Variants in LAMA3 observed in about 807,000 individuals in gnomAD.
LAMA3 encodes the protein laminin subunit alpha-3.
Under a neutral mutation model 402.0 loss-of-function variants are expected in LAMA3, and 281 were observed. The ratio of observed to expected loss-of-function variants is 0.70; its 90% CI spans 0.63 to 0.77. The LOEUF (loss-of-function observed/expected upper bound fraction) is 0.77. LAMA3 is among the 30% of genes least tolerant of loss of function. LAMA3 has a pLI of 0.00. For missense variants in LAMA3, 3,840 were observed against 4,215.5 expected, an observed-to-expected ratio of 0.91 and a Z score of 2.47; for synonymous variants, 1,431 against 1,558.4, an observed-to-expected ratio of 0.92 and a Z score of 1.93.
At chr18:23,827,266 T>C in intron 22 of LAMA3, 48 bp from the exon 23 acceptor site, 3 of 1,595,256 alleles carry the variant, frequency 1.9e-6, no homozygotes, top group Non-Finnish European at 2.6e-6. Flanking sequence ...TTCCGTTTGA[T>C]GTTCTCAGTT....
At chr18:23,708,318 GTCT>G (rs1401436077) in intron 1 of LAMA3, among the ~76,000 whole-genome samples, 1 of 151,996 alleles carries the variant, frequency 6.6e-6, no homozygotes, top group Non-Finnish European at 1.5e-5. Flanking sequence ...CCTCCTCCCG[GTCT>G]TCTTCTTCAG....
At chr18:23,744,617 G>C (rs2061616667) in intron 2 of LAMA3, among the ~76,000 whole-genome samples, 1 of 151,934 alleles carries the variant, frequency 6.6e-6, no homozygotes, top group Non-Finnish European at 1.5e-5. Context: ...GGATCACGAG[G>C]TCAGGAGATC....
At chr18:23,697,879 C>T (rs1459064778) in intron 1 of LAMA3, among the ~76,000 whole-genome samples, 1 of 151,972 alleles carries the variant, frequency 6.6e-6, no homozygotes, top group South Asian at 2.1e-4. Context: ...AAGTCTAAGG[C>T]ATGGGTATGG....
intron 2 of LAMA3, among the ~76,000 whole-genome samples, chr18:23,723,420 G>A (rs1436038602): frequency 2.0e-5 from 3 of 152,130 alleles, no homozygotes; most frequent in African/African-American, 7.2e-5. Context: ...CACAACATGT[G>A]TCTGTGCTAT....
At chr18:23,775,550 G>C (rs1166166543) in intron 9 of LAMA3, among the ~76,000 whole-genome samples, 1 of 151,954 alleles carries the variant, frequency 6.6e-6, no homozygotes, top group Non-Finnish European at 1.5e-5. Context: ...TGCTCAGTGG[G>C]ATAAATGACA....
rs772833484 is a variant in LAMA3 at position 23,689,927 on chromosome 18, T to G, written c.244T>G (p.Cys82Gly). The G allele has an allele frequency of 1.3e-6, 2 of 1,528,760 alleles. No homozygotes were observed. Among genetic ancestry groups the G allele is most frequent in the South Asian group, 2.5e-5 (2 of 81,592 alleles). 94.7% of individuals were successfully genotyped at this position (1,528,760 alleles called of 1,614,324 possible). The change falls in exon 1 of 75, where the codon TGC becomes GGC. Residue 82 changes from cysteine (C) to glycine (G), a missense_variant. Physicochemically the swap from Cys to Gly is radical, Grantham distance 159. Around this residue, in one of 3 missense-constraint regions of LAMA3, gnomAD observed 2,109 missense variants for 2,376.0 expected, o/e 0.89. Transcript: ENST00000313654. ...GEGRPQPELY[C>G]KLVGGPTAPG... is the part of the protein sequence containing the mutation. ...GGGGAGGCCCCAGCCCGAGCTCTAC[T>G]GCAAGTTGGTCGGGGGCCCCACCGC...
Position 23,945,547 on chromosome 18 carries a change from C to G in LAMA3, c.9211-597C>G, listed in dbSNP as rs186324824. Among the ~76,000 whole-genome samples the G allele has an allele frequency of 8.3e-3, 1,263 of 152,228 alleles. 11 individuals carry two copies. The highest frequency in any genetic ancestry group is 0.066 in the South Asian group (317 of 4,820). On this transcript the variant is annotated intron_variant, in intron 69 of 74. Transcript: ENST00000313654. ...TTGAGTGGCCTGTCAGACCTTCAAG[C>G]CCAGGTGTCAGCAGGCAGTAGAGGC...
At chr18:23,871,131 C>G (rs1431855676) in intron 37 of LAMA3, among the ~76,000 whole-genome samples, 1 of 152,156 alleles carries the variant, frequency 6.6e-6, no homozygotes, top group African/African-American at 2.4e-5. Context: ...TCTCACTCAC[C>G]TTATGTTTGC....
chr18:23,947,791 C>T (rs1265142492), intron 70 of LAMA3, among the ~76,000 whole-genome samples: 3 of 150,586 alleles, frequency 2.0e-5, no homozygotes, highest in Non-Finnish European at 4.4e-5. Flanking sequence ...GTTTACTTTT[C>T]TCAACCTCTG....
intron 71 of LAMA3, 46 bp from the exon 72 acceptor site, chr18:23,949,983 C>CT: frequency 6.2e-7 from 1 of 1,614,116 alleles, no homozygotes; most frequent in Non-Finnish European, 8.5e-7. Context: ...ATCCTGTTTT[C>CT]TTTCATGGTG....
intron 12 of LAMA3, among the ~76,000 whole-genome samples, chr18:23,807,096 G>A (rs1301962834): frequency 6.6e-6 from 1 of 152,048 alleles, no homozygotes; most frequent in Non-Finnish European, 1.5e-5. Flanking sequence ...ATTCACTATT[G>A]GAACTAGAGT....
Position 23,890,094 on chromosome 18 carries a change from G to A in LAMA3, c.5387G>A (p.Gly1796Asp), listed in dbSNP as rs1220476495. Residue 1796 changes from glycine (G) to aspartate (D), a missense_variant, in exon 42 of 75, where the codon GGC (glycine) becomes GAC (aspartate). Gly to Asp is a moderately conservative substitution (Grantham distance 94). Around this residue, in one of 3 missense-constraint regions of LAMA3, gnomAD observed 2,109 missense variants for 2,376.0 expected, o/e 0.89. Coordinates refer to ENST00000313654, the MANE Select transcript of LAMA3 (RefSeq NM_198129.4). ...AGTTGTAACAGCAATGGCCAGCTGG[G>A]CAGCTGTCATCCCCTGACTGGAGGT... is the stretch of plus-strand genomic sequence containing the variant. The part of the protein sequence containing the change: ...PCSCNSNGQL[G>D]SCHPLTGDCI... 1.9e-6 allele frequency: 3 copies of A among 1,613,582 alleles called. No homozygotes were observed. Among genetic ancestry groups the A allele is most frequent in the Middle Eastern group, 1.7e-4 (1 of 6,060 alleles).
chr18:23,930,586 A>T (rs2082133219), intron 64 of LAMA3, among the ~76,000 whole-genome samples: 1 of 152,118 alleles, frequency 6.6e-6, no homozygotes, highest in African/African-American at 2.4e-5. Context: ...TGTCTCTACA[A>T]AAAATTACAA....
intron 70 of LAMA3, among the ~76,000 whole-genome samples, chr18:23,947,302 C>G (rs191516221): frequency 1.1e-3 from 167 of 152,268 alleles, no homozygotes; most frequent in African/African-American, 3.9e-3. Context: ...CCTTTCCCCC[C>G]ACCCCACAAA....
At chr18:23,779,541 C>G (rs962182985) in intron 11 of LAMA3, among the ~76,000 whole-genome samples, 1 of 151,560 alleles carries the variant, frequency 6.6e-6, no homozygotes, top group African/African-American at 2.4e-5. Flanking sequence ...AGAAGTTGCT[C>G]TTTGTTGAGA....
Position 23,844,993 on chromosome 18 carries a change from G to T in LAMA3, c.3604-16G>T, listed in dbSNP as rs531728950. Reference sequence around the variant, plus strand: ...ATCATTGGAAATTCTAAGACATGCTGGTGGATTTCTTTCAGGTCCGTGTTC... The same window carrying T: ...ATCATTGGAAATTCTAAGACATGCTTGTGGATTTCTTTCAGGTCCGTGTTC... On this transcript the variant is annotated splice_polypyrimidine_tract_variant and intron_variant, in intron 29 of 74. Transcript: ENST00000313654. 1.5e-6 allele frequency: 2 copies of T among 1,364,004 alleles called. No homozygotes were observed. The highest frequency in any genetic ancestry group is 2.1e-6 in the Non-Finnish European group (2 of 952,224). The allele number at this position is 1,364,004 out of a possible 1,614,324, so 84.5% of individuals were successfully genotyped here.
chr18:23,694,086 A>G (rs2060642131), intron 1 of LAMA3, among the ~76,000 whole-genome samples: 1 of 152,210 alleles, frequency 6.6e-6, no homozygotes, highest in Non-Finnish European at 1.5e-5. Flanking sequence ...AACTGCCCTG[A>G]GGAAAGCCAG....
rs2081571269 is a variant in LAMA3 at position 23,915,218 on chromosome 18, G to A, written c.7645-71G>A. 7 of 1,519,108 alleles carry A rather than the reference G, an allele frequency of 4.6e-6. No individual in the cohort carries two copies. The Admixed American group carries it at 1.2e-4, about 26-fold the overall frequency. The allele number at this position is 1,519,108 out of a possible 1,614,324, so 94.1% of individuals were successfully genotyped here. A position where few individuals can be genotyped will look rare whatever the true frequency, so the allele number is the denominator to read the frequency against. On this transcript the variant is annotated intron_variant, in intron 58 of 74. Coordinates refer to ENST00000313654, the MANE Select transcript of LAMA3 (RefSeq NM_198129.4). ...CCTTATGCCATAGTGACTGTTAAAA[G>A]TGATTAATTGATACTATTTTGATTA...
Position 23,928,612 on chromosome 18 carries a change from G to A in LAMA3, c.8296-13G>A. ...TTACAATGCCAGTAATTTATTCCATGTTTGCATTTCAGCTTGTGCGATCTG... is the reference window on the plus strand; with the variant it reads ...TTACAATGCCAGTAATTTATTCCATATTTGCATTTCAGCTTGTGCGATCTG... On this transcript the variant is annotated splice_polypyrimidine_tract_variant and intron_variant, in intron 63 of 74. Coordinates refer to ENST00000313654, the MANE Select transcript of LAMA3 (RefSeq NM_198129.4). 3 of 1,613,584 alleles carry A rather than the reference G, an allele frequency of 1.9e-6. No homozygotes were observed. The highest frequency in any genetic ancestry group is 1.7e-6 in the Non-Finnish European group (2 of 1,179,484).
Sources: gnomAD v4.1 joint callset for allele counts (sites outside exome capture counted in the v4.1 genomes callset) on GRCh38, gnomAD v4.1.1 for gene constraint, gnomAD v4.1.1 regional missense constraint, MANE v1.5 for transcripts, NCBI Gene and HGNC (gene_info 2026-07-23, HGNC 2026-07-21) for gene names.